The following WWOX variants were observed in gnomAD, a reference collection of about 807,000 sequenced individuals.
WWOX encodes the protein WW domain-containing oxidoreductase.
A neutral mutation model predicts 46.2 loss-of-function variants in WWOX; 69 were observed. The ratio of observed to expected loss-of-function variants is 1.49; its 90% CI spans 1.23 to 1.82. The LOEUF (loss-of-function observed/expected upper bound fraction) is 1.82. WWOX is among the 40% of genes most tolerant of loss of function. The pLI, the probability that WWOX is intolerant of heterozygous loss-of-function variation, is 0.00. For missense variants in WWOX, 919 were observed against 542.6 expected, an observed-to-expected ratio of 1.69 and a Z score of -6.89; for synonymous variants, 359 against 202.6, an observed-to-expected ratio of 1.77 and a Z score of -6.56.
intron 5 of WWOX, among the ~76,000 whole-genome samples, chr16:78,174,652 C>T (rs932102628): frequency 1.3e-5 from 2 of 152,126 alleles, no homozygotes; most frequent in African/African-American, 2.4e-5. Flanking sequence ...TGGGAAGTAG[C>T]CACTTCTTTC....
intron 8 of WWOX, among the ~76,000 whole-genome samples, chr16:78,505,214 A>T (rs2085164375): frequency 6.6e-6 from 1 of 152,196 alleles, no homozygotes; most frequent in Non-Finnish European, 1.5e-5. Flanking sequence ...AATGAATTCT[A>T]ATCGTCAGCC....
intron 8 of WWOX, among the ~76,000 whole-genome samples, chr16:79,050,090 C>G (rs2048138043): frequency 6.6e-6 from 1 of 152,152 alleles, no homozygotes; most frequent in Non-Finnish European, 1.5e-5. Context: ...AGGCCAGTGA[C>G]TTGGTTGCTG....
At chr16:78,123,444 T>TGTTTTGTTTTG (rs201470855) in intron 4 of WWOX, 1 of 57,302 alleles carries the variant, frequency 1.7e-5, no homozygotes, top group African/African-American at 7.0e-5. Flanking sequence ...TGTTTTGTTT[T>TGTTTTGTTTTG]TTTTTTTTTT....
intron 8 of WWOX, among the ~76,000 whole-genome samples, chr16:78,838,783 C>T (rs2052059976): frequency 6.6e-6 from 1 of 152,166 alleles, no homozygotes; most frequent in African/African-American, 2.4e-5. Context: ...TCAGAGGTTG[C>T]AGTGAGCCCA....
chr16:78,569,572 C>A (rs974959966), intron 8 of WWOX, among the ~76,000 whole-genome samples: 3 of 152,162 alleles, frequency 2.0e-5, no homozygotes, highest in Non-Finnish European at 4.4e-5. Context: ...TACACCTTTT[C>A]AAATTTTGAA....
chr16:78,793,910 A>G (rs1359587347), intron 8 of WWOX, among the ~76,000 whole-genome samples: 2 of 149,470 alleles, frequency 1.3e-5, no homozygotes, highest in Admixed American at 6.7e-5. Context: ...AAAATATTTG[A>G]AAAAAAAAAG....
rs376018146 is a variant in WWOX, at chr16:78,661,879, C to G, written c.1056+229127C>G. Reference sequence around the variant, plus strand: ...AGCCTGAGGCAAAACCTCATCTCTACAAAAAATACAAAAAATCAGCTGGGC... The same window carrying G: ...AGCCTGAGGCAAAACCTCATCTCTAGAAAAAATACAAAAAATCAGCTGGGC... On this transcript the variant is annotated intron_variant, in intron 8 of 8. Transcript: ENST00000566780. Among the ~76,000 whole-genome samples the G allele has an allele frequency of 5.9e-5, 9 of 152,198 alleles. No individual in the cohort carries two copies. In the South Asian group the frequency reaches 1.5e-3, roughly 25 times the overall value.
chr16:78,721,638 C>A (rs11640758), intron 8 of WWOX, among the ~76,000 whole-genome samples: 2 of 152,074 alleles, frequency 1.3e-5, no homozygotes, highest in Non-Finnish European at 2.9e-5. Context: ...AATTTGATTC[C>A]TCCGTCACTG....
chr16:78,788,318 A>G (rs953817963), intron 8 of WWOX, among the ~76,000 whole-genome samples: 2 of 152,174 alleles, frequency 1.3e-5, no homozygotes, highest in Non-Finnish European at 2.9e-5. Flanking sequence ...TATTGTTACA[A>G]TATTGCCTGT....
chr16:78,207,839 TAG>T (rs574248074), intron 5 of WWOX, among the ~76,000 whole-genome samples: 3 of 152,010 alleles, frequency 2.0e-5, no homozygotes, highest in Non-Finnish European at 4.4e-5. Flanking sequence ...GTTTCTGAGT[TAG>T]AGTCTCTTTT....
chr16:78,956,480 A>G (rs143472988), intron 8 of WWOX, among the ~76,000 whole-genome samples: 127 of 152,286 alleles, frequency 8.3e-4, no homozygotes, highest in African/African-American at 2.7e-3. Context: ...TGATTAATCT[A>G]CAATGACACA....
At position 78,346,484 on chromosome 16, in the gene WWOX, C is replaced by G. The variant is rs1312834027; in HGVS notation, c.517-40376C>G. Among the ~76,000 whole-genome samples, 4 of 119,582 alleles carry G rather than the reference C, an allele frequency of 3.3e-5. No homozygotes were observed. In the East Asian group the frequency reaches 7.7e-4, roughly 23 times the overall value. 78.5% of individuals were successfully genotyped at this position (119,582 alleles called of 152,430 possible). ...TTTTTAAGAGGTTGGCAAATACTTC[C>G]CTAAAGTGGTCATCCCATTTTACAT... On this transcript the variant is annotated intron_variant, in intron 5 of 8. Coordinates refer to ENST00000566780, the MANE Select transcript of WWOX (RefSeq NM_016373.4).
chr16:78,238,001 A>G (rs1332017719), intron 5 of WWOX: 1 of 152,174 alleles, frequency 6.6e-6, no homozygotes, highest in Non-Finnish European at 1.5e-5. Flanking sequence ...GGTTTACAAA[A>G]TAGATTAAGT....
At chr16:79,180,419 G>A (rs1341530350) in intron 8 of WWOX, among the ~76,000 whole-genome samples, 3 of 152,118 alleles carry the variant, frequency 2.0e-5, no homozygotes, top group Non-Finnish European at 4.4e-5. Context: ...AATTCCAGAG[G>A]GTTTCACCCA....
intron 8 of WWOX, among the ~76,000 whole-genome samples, chr16:79,114,149 A>G (rs1390582445): frequency 6.6e-6 from 1 of 152,068 alleles, no homozygotes; most frequent in South Asian, 2.1e-4. Context: ...CATGCTTTTA[A>G]TTGCTGCTTG....
At chr16:78,213,710 G>T (rs902052934) in intron 5 of WWOX, among the ~76,000 whole-genome samples, 1 of 152,150 alleles carries the variant, frequency 6.6e-6, no homozygotes, top group Non-Finnish European at 1.5e-5. Flanking sequence ...TTTCACTTCT[G>T]TGCCATGACA....
Position 78,948,369 on chromosome 16 carries a change from C to T in WWOX, c.1057-263239C>T, listed in dbSNP as rs75660504. On this transcript the variant is annotated intron_variant, in intron 8 of 8. Coordinates refer to ENST00000566780, the MANE Select transcript of WWOX (RefSeq NM_016373.4). The stretch of plus-strand genomic sequence containing the variant: ...AGCGTCTTCCTGATGTTGCATAGAG[C>T]ACTCACACCTAACAGATCTCAGAAC... 2.6e-3 allele frequency among the ~76,000 whole-genome samples: 389 copies of T among 152,296 alleles called. 2 individuals carry two copies. Among genetic ancestry groups the T allele is most frequent in the African/African-American group, 8.5e-3 (354 of 41,558 alleles).
intron 5 of WWOX, among the ~76,000 whole-genome samples, chr16:78,247,177 A>G (rs1259950374): frequency 6.6e-6 from 1 of 151,836 alleles, no homozygotes; most frequent in Non-Finnish European, 1.5e-5. Context: ...GTGTAAAATC[A>G]TGGCGGTGCC....
intron 8 of WWOX, among the ~76,000 whole-genome samples, chr16:78,453,185 A>G (rs2083733726): frequency 6.6e-6 from 1 of 152,074 alleles, no homozygotes; most frequent in Admixed American, 6.6e-5. Flanking sequence ...GCACTTTGGG[A>G]GGCTGAGGTG....
Sources: gnomAD v4.1 joint callset for allele counts (sites outside exome capture counted in the v4.1 genomes callset) on GRCh38, gnomAD v4.1.1 for gene constraint, MANE v1.5 for transcripts, NCBI Gene and HGNC (gene_info 2026-07-23, HGNC 2026-07-21) for gene names.